CAMKMT: variants seen among roughly 807,000 people sequenced by gnomAD.
CAMKMT encodes the protein calmodulin-lysine N-methyltransferase.
CAMKMT carries 53 observed loss-of-function variants against 48.0 expected under a neutral mutation model. The observed-to-expected ratio is 1.10, with a 90% confidence interval of 0.89 to 1.39. The LOEUF is 1.39. CAMKMT is among the 40% of genes most tolerant of loss of function. The pLI, the probability that CAMKMT is intolerant of heterozygous loss-of-function variation, is 0.00. For missense variants in CAMKMT, 428 were observed against 402.7 expected (o/e 1.06, Z -0.54); for synonymous variants, 165 against 152.3 (o/e 1.08, Z -0.61).
intron 3 of CAMKMT, among the ~76,000 whole-genome samples, chr2:44,403,374 A>G (rs2104454010): frequency 6.6e-6 from 1 of 152,270 alleles, no homozygotes; most frequent in African/African-American, 2.4e-5. Context: ...GAGAGACTAG[A>G]CCCGAAGACA....
At chr2:44,603,263 A>AT (rs1393636719) in intron 3 of CAMKMT, among the ~76,000 whole-genome samples, 1 of 151,112 alleles carries the variant, frequency 6.6e-6, no homozygotes, top group Non-Finnish European at 1.5e-5. Context: ...AATATTTTGT[A>AT]TTTTTTTAGT....
Position 44,572,165 on chromosome 2 carries a change from C to A in CAMKMT, c.377-132118C>A, listed in dbSNP as rs550373040. ...TCTACAATCTCCCCTTCTCCCAGTC[C>A]CTGGCAGCCACCATTCTACTTTTGT... On this transcript the variant is annotated intron_variant, in intron 3 of 10. Transcript: ENST00000378494. 3.9e-5 allele frequency among the ~76,000 whole-genome samples: 6 copies of A among 152,218 alleles called. No homozygotes were observed. The East Asian group carries it at 1.2e-3, about 29-fold the overall frequency.
At chr2:44,555,548 G>A (rs535200261) in intron 3 of CAMKMT, among the ~76,000 whole-genome samples, 1 of 152,288 alleles carries the variant, frequency 6.6e-6, no homozygotes, top group Non-Finnish European at 1.5e-5. Flanking sequence ...TGTTGAGAAG[G>A]TCTAGGCATC....
At chr2:44,505,430 CT>C (rs761703555) in intron 3 of CAMKMT, among the ~76,000 whole-genome samples, 4 of 152,122 alleles carry the variant, frequency 2.6e-5, no homozygotes, top group Non-Finnish European at 4.4e-5. Flanking sequence ...GTGGGTTGTG[CT>C]TTTGGCATCA....
At chr2:44,367,990 C>T (rs1311654547) in intron 1 of CAMKMT, among the ~76,000 whole-genome samples, 1 of 152,176 alleles carries the variant, frequency 6.6e-6, no homozygotes, top group African/African-American at 2.4e-5. Context: ...ACAAACATTT[C>T]AGGTTAATAA....
chr2:44,678,036 A>G (rs1675811824), intron 3 of CAMKMT, among the ~76,000 whole-genome samples: 1 of 152,114 alleles, frequency 6.6e-6, no homozygotes, highest in Non-Finnish European at 1.5e-5. Flanking sequence ...TCTTTACAAT[A>G]CAGTTTTTTC....
chr2:44,534,524 C>G (rs1323654591), intron 3 of CAMKMT, among the ~76,000 whole-genome samples: 5 of 152,030 alleles, frequency 3.3e-5, no homozygotes, highest in Non-Finnish European at 5.9e-5. Flanking sequence ...GAATAGCAAT[C>G]CTATCAGTAT....
At chr2:44,624,373 A>G (rs1672360486) in intron 3 of CAMKMT, among the ~76,000 whole-genome samples, 1 of 152,030 alleles carries the variant, frequency 6.6e-6, no homozygotes, top group Non-Finnish European at 1.5e-5. Context: ...CATGTGCACA[A>G]TGTGCAGGTT....
At chr2:44,468,789 C>A (rs984178029) in intron 3 of CAMKMT, among the ~76,000 whole-genome samples, 3 of 152,100 alleles carry the variant, frequency 2.0e-5, no homozygotes, top group African/African-American at 7.2e-5. Context: ...TATGGTGGTA[C>A]ATGCCTATAA....
At chr2:44,559,220 G>T (rs569782589) in intron 3 of CAMKMT, among the ~76,000 whole-genome samples, 1 of 152,154 alleles carries the variant, frequency 6.6e-6, no homozygotes, top group East Asian at 1.9e-4. Context: ...TGAAATGATG[G>T]TGTTGGAAGG....
intron 3 of CAMKMT, among the ~76,000 whole-genome samples, chr2:44,563,106 T>A (rs1219394458): frequency 6.6e-6 from 1 of 152,058 alleles, no homozygotes; most frequent in Non-Finnish European, 1.5e-5. Context: ...GAGATTAAAT[T>A]AAAACTTACA....
intron 3 of CAMKMT, among the ~76,000 whole-genome samples, chr2:44,616,398 A>ACT (rs1671890685): frequency 6.6e-6 from 1 of 152,214 alleles, no homozygotes; most frequent in African/African-American, 2.4e-5. Flanking sequence ...AGCTCTAGTG[A>ACT]CTACTTTGTT....
chr2:44,540,787 A>G (rs560903908), intron 3 of CAMKMT, among the ~76,000 whole-genome samples: 2 of 152,204 alleles, frequency 1.3e-5, no homozygotes, highest in Non-Finnish European at 2.9e-5. Flanking sequence ...AGATATACTC[A>G]TTGTTACTGA....
chr2:44,397,442 A>G (rs1681956986), intron 3 of CAMKMT, among the ~76,000 whole-genome samples: 1 of 152,210 alleles, frequency 6.6e-6, no homozygotes, highest in African/African-American at 2.4e-5. Context: ...CCTCTTTAGC[A>G]TCGTAATGTA....
intron 3 of CAMKMT, among the ~76,000 whole-genome samples, chr2:44,482,905 A>G (rs1327241312): frequency 6.6e-6 from 1 of 152,150 alleles, no homozygotes; most frequent in Non-Finnish European, 1.5e-5. Flanking sequence ...GACCTACAAA[A>G]GAGGACTTCT....
intron 3 of CAMKMT, among the ~76,000 whole-genome samples, chr2:44,592,875 A>G (rs543141524): frequency 2.5e-4 from 38 of 152,328 alleles, no homozygotes; most frequent in African/African-American, 8.7e-4. Flanking sequence ...CTGGCATTTC[A>G]GAATACTGTA....
chr2:44,543,278 C>G (rs1017933622), intron 3 of CAMKMT, among the ~76,000 whole-genome samples: 1 of 152,170 alleles, frequency 6.6e-6, no homozygotes, highest in African/African-American at 2.4e-5. Flanking sequence ...TTTAGAGCCT[C>G]TATTTCTTCC....
chr2:44,408,246 G>A (rs1326429884), intron 3 of CAMKMT, among the ~76,000 whole-genome samples: 4 of 151,772 alleles, frequency 2.6e-5, no homozygotes, highest in Admixed American at 6.6e-5. Flanking sequence ...GGCTGGTCTC[G>A]ATCTACTAAC....
chr2:44,570,186 C>G (rs879465541), intron 3 of CAMKMT, among the ~76,000 whole-genome samples: 49 of 152,188 alleles, frequency 3.2e-4, no homozygotes, highest in Middle Eastern at 3.4e-3. Context: ...AAAAATAATC[C>G]TAATGATAGA....
Sources: allele counts gnomAD v4.1 joint callset (sites outside exome capture counted in the v4.1 genomes callset), GRCh38; gene constraint gnomAD v4.1.1; transcripts MANE v1.5; gene names NCBI Gene and HGNC (gene_info 2026-07-23, HGNC 2026-07-21).